Variants in ARHGEF7 observed in about 807,000 individuals in gnomAD.
ARHGEF7 encodes the protein PAK-interacting exchange factor beta.
A neutral mutation model predicts 109.8 loss-of-function variants in ARHGEF7; 33 were observed. The observed-to-expected ratio is 0.30, with a 90% CI of 0.23 to 0.40. The LOEUF (loss-of-function observed/expected upper bound fraction) is 0.40, where lower values mean the gene tolerates loss of function less well. Ranked by LOEUF, ARHGEF7 falls within the 10% of genes least tolerant of loss-of-function variation. The pLI is 1.00. For missense variants in ARHGEF7, 938 were observed against 1,098.5 expected, an observed-to-expected ratio of 0.85 and a Z score of 2.07; for synonymous variants, 458 against 424.6, an observed-to-expected ratio of 1.08 and a Z score of -0.97.
At chr13:111,208,879 C>T (rs1330514418) in intron 3 of ARHGEF7, among the ~76,000 whole-genome samples, 2 of 152,150 alleles carry the variant, frequency 1.3e-5, no homozygotes, top group Non-Finnish European at 2.9e-5. Flanking sequence ...GTGCTGGGTC[C>T]TCTCAGGACA....
intron 19 of ARHGEF7, among the ~76,000 whole-genome samples, chr13:111,299,021 T>G (rs1030256643): frequency 1.3e-5 from 2 of 152,262 alleles, no homozygotes; most frequent in African/African-American, 4.8e-5. Context: ...ACTTGGTTGC[T>G]TTCCCAGGAC....
intron 1 of ARHGEF7, among the ~76,000 whole-genome samples, chr13:111,133,963 C>A (rs2074956942): frequency 6.6e-6 from 1 of 151,044 alleles, no homozygotes; most frequent in Admixed American, 6.6e-5. Context: ...TCCCCCCACC[C>A]CACAACAGGC....
intron 19 of ARHGEF7, chr13:111,293,022 A>G: frequency 1.0e-6 from 1 of 985,462 alleles, no homozygotes; most frequent in Non-Finnish European, 1.2e-6. Context: ...GCTTACTGTC[A>G]TGGCTCAGAT....
intron 4 of ARHGEF7, among the ~76,000 whole-genome samples, chr13:111,213,078 A>G (rs1041959597): frequency 5.3e-5 from 8 of 152,098 alleles, no homozygotes; most frequent in Non-Finnish European, 1.0e-4. Context: ...AGGAGAGGGT[A>G]TTGTTGGTGT....
At chr13:111,203,353 A>G (rs187689722) in intron 2 of ARHGEF7, among the ~76,000 whole-genome samples, 15 of 152,246 alleles carry the variant, frequency 9.9e-5, no homozygotes, top group African/African-American at 2.9e-4. Context: ...ATAGGTGGTT[A>G]TGTCAGCCTA....
chr13:111,271,796 G>T (rs1243335056), intron 9 of ARHGEF7, among the ~76,000 whole-genome samples: 3 of 152,074 alleles, frequency 2.0e-5, no homozygotes, highest in African/African-American at 7.2e-5. Context: ...AATGTTTCTT[G>T]TCTTAATTTT....
chr13:111,238,633 C>T (rs537717121), intron 6 of ARHGEF7, among the ~76,000 whole-genome samples: 71 of 152,156 alleles, frequency 4.7e-4, no homozygotes, highest in Admixed American at 1.8e-3. Context: ...AAAGCACACT[C>T]GTTGCCCCCA....
intron 2 of ARHGEF7, among the ~76,000 whole-genome samples, chr13:111,197,705 T>C (rs1055429168): frequency 1.3e-5 from 2 of 152,168 alleles, no homozygotes; most frequent in African/African-American, 4.8e-5. Flanking sequence ...GGCCTGCTTG[T>C]CTGAGTAGGG....
intron 15 of ARHGEF7, chr13:111,281,000 C>G (rs1427923619): frequency 1.5e-5 from 3 of 204,840 alleles, no homozygotes; most frequent in Non-Finnish European, 2.9e-5. Flanking sequence ...GATGATTTTT[C>G]TGAGAATTTT....
chr13:111,300,466 C>T (rs1567133083), intron 19 of ARHGEF7, among the ~76,000 whole-genome samples: 1 of 152,160 alleles, frequency 6.6e-6, no homozygotes, highest in Non-Finnish European at 1.5e-5. Context: ...TAACTTCCTC[C>T]CTGTTGAAAA....
chr13:111,188,178 T>C (rs932191294), intron 2 of ARHGEF7, among the ~76,000 whole-genome samples: 4 of 152,186 alleles, frequency 2.6e-5, no homozygotes, highest in Admixed American at 6.5e-5. Context: ...GGCCTCCTGC[T>C]CACAGCCACG....
At chr13:111,244,660 T>C (rs754193754) in intron 8 of ARHGEF7, among the ~76,000 whole-genome samples, 22 of 152,198 alleles carry the variant, frequency 1.4e-4, no homozygotes, top group Non-Finnish European at 3.1e-4. Flanking sequence ...GCCAGGTCTT[T>C]CCCCAATATC....
intron 2 of ARHGEF7, among the ~76,000 whole-genome samples, chr13:111,195,688 G>A (rs1048374803): frequency 1.3e-5 from 2 of 152,200 alleles, no homozygotes; most frequent in Admixed American, 1.3e-4. Context: ...GGGGCAGTGC[G>A]CCTTCCAGTG....
chr13:111,268,547 C>T (rs2091870842), intron 9 of ARHGEF7, among the ~76,000 whole-genome samples: 1 of 152,204 alleles, frequency 6.6e-6, no homozygotes, highest in South Asian at 2.1e-4. Context: ...CTGAAAGCCT[C>T]GTCAGTGAAC....
chr13:111,175,391 G>T (rs1243777670), intron 2 of ARHGEF7, among the ~76,000 whole-genome samples: 2 of 152,244 alleles, frequency 1.3e-5, no homozygotes, highest in African/African-American at 4.8e-5. Flanking sequence ...GAGCAGGGCT[G>T]CCCTGTGAGA....
chr13:111,292,082 G>A, intron 18 of ARHGEF7, 36 bp from the exon 19 acceptor site: 1 of 1,587,250 alleles, frequency 6.3e-7, no homozygotes, highest in Non-Finnish European at 8.6e-7. Context: ...CTCACCCCCT[G>A]CCTGTCGCGC....
chr13:111,234,558 GCTT>G (rs2086539796), intron 6 of ARHGEF7, among the ~76,000 whole-genome samples: 1 of 152,120 alleles, frequency 6.6e-6, no homozygotes, highest in Non-Finnish European at 1.5e-5. Flanking sequence ...CATTTTTACT[GCTT>G]CTTTTTCATA....
chr13:111,163,019 T>C (rs541495352), intron 2 of ARHGEF7, among the ~76,000 whole-genome samples: 2 of 152,226 alleles, frequency 1.3e-5, no homozygotes, highest in Non-Finnish European at 2.9e-5. Flanking sequence ...ACCAAAGATA[T>C]GTTTGAGGCA....
chr13:111,119,780 C>G (rs1329150716), intron 1 of ARHGEF7, among the ~76,000 whole-genome samples: 1 of 152,124 alleles, frequency 6.6e-6, no homozygotes, highest in Admixed American at 6.5e-5. Flanking sequence ...TGTCAGGATT[C>G]TGGGGTTGGT....
Sources: gnomAD v4.1 joint callset for allele counts (sites outside exome capture counted in the v4.1 genomes callset) on GRCh38, gnomAD v4.1.1 for gene constraint, MANE v1.5 for transcripts, NCBI Gene and HGNC (gene_info 2026-07-23, HGNC 2026-07-21) for gene names.